Variants in IDNK observed in about 807,000 individuals in gnomAD.
The protein encoded by IDNK is IDNK gluconokinase.
A neutral mutation model predicts 13.0 loss-of-function variants in IDNK; 9 were observed. The ratio of observed to expected loss-of-function variants is 0.69; its 90% CI spans 0.42 to 1.21. The LOEUF (loss-of-function observed/expected upper bound fraction) is 1.21. IDNK is among the 50% of genes most tolerant of loss of function. The pLI is 0.00. For missense variants in IDNK, 210 were observed against 237.8 expected, an observed-to-expected ratio of 0.88 and a Z score of 0.77; for synonymous variants, 92 against 94.9, an observed-to-expected ratio of 0.97 and a Z score of 0.18.
chr9:83,643,122 C>T (rs980170865), intron 4 of IDNK, among the ~76,000 whole-genome samples: 1 of 152,234 alleles, frequency 6.6e-6, no homozygotes, highest in African/African-American at 2.4e-5. Flanking sequence ...CTGAGCATAT[C>T]TGTGTATCAG....
chr9:83,635,294 C>T (rs1028622929), intron 3 of IDNK, among the ~76,000 whole-genome samples: 1 of 152,216 alleles, frequency 6.6e-6, no homozygotes, highest in African/African-American at 2.4e-5. Flanking sequence ...ACAACTGTCA[C>T]GTGGCCTGTA....
At chr9:83,642,275 C>T (rs866869528) in intron 4 of IDNK, among the ~76,000 whole-genome samples, 1 of 152,126 alleles carries the variant, frequency 6.6e-6, no homozygotes, top group African/African-American at 2.4e-5. Context: ...CATATTTTAT[C>T]CATCTAAAAC....
At chr9:83,640,294 C>T (rs1382269828) in intron 3 of IDNK, among the ~76,000 whole-genome samples, 1 of 152,190 alleles carries the variant, frequency 6.6e-6, no homozygotes, top group East Asian at 1.9e-4. Context: ...AACTATCCTA[C>T]TCATTTTATA....
chr9:83,644,092 G>T lies in IDNK; in HGVS notation c.*312G>T. 7.2e-6 allele frequency: 2 copies of T among 278,764 alleles called. No individual in the cohort carries two copies. Among genetic ancestry groups the T allele is most frequent in the Non-Finnish European group, 1.4e-5 (2 of 145,234 alleles). The allele number at this position is 278,764 out of a possible 1,614,324, so 17.3% of individuals were successfully genotyped here. On this transcript the variant is annotated 3_prime_UTR_variant, in exon 5 of 5. Coordinates refer to ENST00000376419, the MANE Select transcript of IDNK (RefSeq NM_001001551.4). ...GTTTAGAACATTCTTGCTCATGCCT[G>T]TATTTGCACAAATAAATGAAACTTC...
intron 3 of IDNK, among the ~76,000 whole-genome samples, chr9:83,630,552 C>T (rs1028144021): frequency 6.6e-6 from 1 of 152,108 alleles, no homozygotes; most frequent in African/African-American, 2.4e-5. Context: ...AAAAAATATG[C>T]ACAGAAAAGT....
At chr9:83,629,248 G>T (rs576195386) in intron 3 of IDNK, among the ~76,000 whole-genome samples, 2 of 152,274 alleles carry the variant, frequency 1.3e-5, no homozygotes, top group South Asian at 4.1e-4. Flanking sequence ...GAGGTCAGAG[G>T]CTCCCTGTGC....
At chr9:83,643,403 T>C (rs1480354699) in intron 4 of IDNK, 26 bp from the exon 5 acceptor site, 1 of 1,532,492 alleles carries the variant, frequency 6.5e-7, no homozygotes, top group Non-Finnish European at 8.9e-7. Context: ...TTAGCCTCCC[T>C]CTTTTTTTTT....
chr9:83,642,799 G>A (rs1195034411), intron 4 of IDNK, among the ~76,000 whole-genome samples: 1 of 152,140 alleles, frequency 6.6e-6, no homozygotes, highest in Non-Finnish European at 1.5e-5. Context: ...TGCTGTGTCT[G>A]CCTCTGTTTC....
intron 3 of IDNK, among the ~76,000 whole-genome samples, chr9:83,634,136 A>C (rs1443669645): frequency 6.6e-6 from 1 of 152,232 alleles, no homozygotes; most frequent in Non-Finnish European, 1.5e-5. Context: ...TCTCCAAAGA[A>C]AATTCATAAT....
intron 1 of IDNK, among the ~76,000 whole-genome samples, chr9:83,627,726 T>C (rs1830894260): frequency 6.6e-6 from 1 of 152,094 alleles, no homozygotes; most frequent in East Asian, 1.9e-4. Flanking sequence ...ACTCCAAAAA[T>C]GTTTTTATGC....
chr9:83,628,071 T>C (rs1421935816), intron 1 of IDNK, 110 bp from the exon 2 acceptor site: 3 of 1,526,518 alleles, frequency 2.0e-6, no homozygotes, highest in African/African-American at 1.4e-5. Flanking sequence ...CAGTGATTGG[T>C]GTTTAAATTC....
intron 1 of IDNK, among the ~76,000 whole-genome samples, chr9:83,625,147 A>G (rs1830815551): frequency 6.6e-6 from 1 of 152,222 alleles, no homozygotes; most frequent in South Asian, 2.1e-4. Context: ...TTGAAGGTAG[A>G]GTCAGAAAGA....
chr9:83,624,949 AG>A (rs568707789), intron 1 of IDNK, among the ~76,000 whole-genome samples: 275 of 152,290 alleles, frequency 1.8e-3, no homozygotes, highest in African/African-American at 5.9e-3. Context: ...TCCTGACCTC[AG>A]GTGATCCATG....
At chr9:83,623,760 G>A (rs1351662266) in intron 1 of IDNK, among the ~76,000 whole-genome samples, 1 of 152,226 alleles carries the variant, frequency 6.6e-6, no homozygotes, top group Non-Finnish European at 1.5e-5. Context: ...AGGAGACAGC[G>A]TTAATATGGA....
At chr9:83,630,249 G>C (rs57018109) in intron 3 of IDNK, among the ~76,000 whole-genome samples, 1,854 of 152,260 alleles carry the variant, frequency 0.012, 35 homozygotes, top group African/African-American at 0.039. Flanking sequence ...TTCAGGCCTT[G>C]AATCATCACA....
At chr9:83,627,242 G>C (rs1830879312) in intron 1 of IDNK, among the ~76,000 whole-genome samples, 1 of 152,208 alleles carries the variant, frequency 6.6e-6, no homozygotes, top group Non-Finnish European at 1.5e-5. Context: ...ATTGGCATTT[G>C]GGCAACACTT....
intron 3 of IDNK, among the ~76,000 whole-genome samples, chr9:83,633,940 G>A (rs1831095376): frequency 6.6e-6 from 1 of 152,202 alleles, no homozygotes; most frequent in Admixed American, 6.5e-5. Flanking sequence ...AATGAGAGGG[G>A]CAGTTCCCCA....
intron 3 of IDNK, among the ~76,000 whole-genome samples, chr9:83,633,333 C>T (rs1831076418): frequency 6.6e-6 from 1 of 151,870 alleles, no homozygotes. Context: ...AGCAAGACTA[C>T]ATCTCAAAAA....
intron 3 of IDNK, among the ~76,000 whole-genome samples, chr9:83,640,555 A>C (rs1831275921): frequency 6.6e-6 from 1 of 152,170 alleles, no homozygotes. Flanking sequence ...AAAATAGCTG[A>C]AGCCAGCCGG....
Sources: allele counts gnomAD v4.1 joint callset (sites outside exome capture counted in the v4.1 genomes callset), GRCh38; gene constraint gnomAD v4.1.1; transcripts MANE v1.5; gene names NCBI Gene and HGNC (gene_info 2026-07-23, HGNC 2026-07-21).